Variants in C5orf58 observed in about 807,000 individuals in gnomAD.
C5orf58 encodes putative uncharacterized protein C5orf58.
In C5orf58, 2 loss-of-function variants were observed where a neutral mutation model predicts 2.9. The observed-to-expected ratio is 0.69, with a 90% CI of 0.28 to 2.18. The LOEUF is 2.18. C5orf58 is among the 30% of genes most tolerant of loss of function. C5orf58 has a pLI of 0.13. For missense variants in C5orf58, 96 were observed against 91.7 expected, an observed-to-expected ratio of 1.05 and a Z score of -0.19; for synonymous variants, 37 against 33.4, an observed-to-expected ratio of 1.11 and a Z score of -0.37.
chr5:170,246,155 C>G lies in C5orf58; in HGVS notation c.*42C>G. The G allele has an allele frequency of 6.5e-7, 1 of 1,528,692 alleles. No individual in the cohort carries two copies. The highest frequency in any genetic ancestry group is 8.9e-7 in the Non-Finnish European group (1 of 1,119,478). 94.7% of individuals were successfully genotyped at this position (1,528,692 alleles called of 1,614,324 possible). On this transcript the variant is annotated 3_prime_UTR_variant, in exon 4 of 4. Coordinates refer to ENST00000593851, the MANE Select transcript of C5orf58 (RefSeq NM_001102609.3). ...AGTTTCTGTTTTATTGTTGAACTAA[C>G]AAATATTTGGGAGAGTTGAGTTTAC... is the stretch of plus-strand genomic sequence containing the variant.
downstream of C5orf58, chr5:170,250,673 C>A (rs563080876): frequency 2.2e-6 from 3 of 1,339,958 alleles, no homozygotes; most frequent in Non-Finnish European, 2.1e-6. Context: ...TCCATGAAGG[C>A]ATGCAGAGTG....
chr5:170,235,556 C>G (rs1444758235), intron 3 of C5orf58, among the ~76,000 whole-genome samples: 1 of 152,188 alleles, frequency 6.6e-6, no homozygotes, highest in Non-Finnish European at 1.5e-5. Flanking sequence ...TATTTTATCC[C>G]AAGAAAATTT....
chr5:170,246,108 A>G lies in C5orf58; in HGVS notation c.241A>G (p.Ile81Val), dbSNP rs777378591. 3 of 1,607,798 alleles carry G rather than the reference A, an allele frequency of 1.9e-6. No homozygotes were observed. Among genetic ancestry groups the G allele is most frequent in the Admixed American group, 3.4e-5 (2 of 59,008 alleles). Residue 81 changes from isoleucine (I) to valine (V), a missense_variant, in exon 4 of 4, where the codon ATC becomes GTC. Coordinates refer to ENST00000593851, the MANE Select transcript of C5orf58 (RefSeq NM_001102609.3). ...ATCCCTTGTTTCTAACAGTTTTTCTATCTGATTTCTTATTTGTTATGAGTT... is the reference window on the plus strand; with the variant it reads ...ATCCCTTGTTTCTAACAGTTTTTCTGTCTGATTTCTTATTTGTTATGAGTT... ...DVSLVSNSFSI is the reference protein window; with the variant it reads ...DVSLVSNSFSV
intron 3 of C5orf58, among the ~76,000 whole-genome samples, chr5:170,236,383 T>G (rs1760741693): frequency 6.6e-6 from 1 of 152,220 alleles, no homozygotes; most frequent in Non-Finnish European, 1.5e-5. Flanking sequence ...AATGTTCTTA[T>G]GGCCAAATAA....
rs1761285416 is a variant in C5orf58 at position 170,246,214 on chromosome 5, AAAT to A, written c.*105_*107del. ...ATATATATAATTTAAAACAAAATAAAAATAATGTAAACAAGCAGTTCATGTTCT... is the reference window on the plus strand; with the variant it reads ...ATATATATAATTTAAAACAAAATAAAAATGTAAACAAGCAGTTCATGTTCT... On this transcript the variant is annotated 3_prime_UTR_variant, in exon 4 of 4. Transcript: ENST00000593851. The A allele has an allele frequency of 5.2e-6, 5 of 963,880 alleles. No individual in the cohort carries two copies. The Admixed American group carries it at 1.5e-4, about 29-fold the overall frequency. 59.7% of individuals were successfully genotyped at this position (963,880 alleles called of 1,614,324 possible).
intron 1 of C5orf58, 149 bp downstream of exon 1, chr5:170,233,156 G>A: frequency 5.4e-6 from 1 of 184,490 alleles, no homozygotes; most frequent in Non-Finnish European, 1.0e-5. Context: ...CCTCTCCCTG[G>A]GTGTCGGTTG....
At position 170,234,981 on chromosome 5, in the gene C5orf58, G is replaced by C. The variant is rs767944928; in HGVS notation, c.5G>C (p.Gly2Ala). ...CTGTTTTTCTTTTAAAATCAGATGGGTAAGAAGCGTGTTACTGATCATAAG... is the reference window on the plus strand; with the variant it reads ...CTGTTTTTCTTTTAAAATCAGATGGCTAAGAAGCGTGTTACTGATCATAAG... M[G>A]KKRVTDHKLN... Residue 2 changes from glycine (G) to alanine (A), a missense_variant, in exon 3 of 4, where the codon GGT (glycine) becomes GCT (alanine). Physicochemically the swap from Gly to Ala is moderately conservative, Grantham distance 60. Coordinates refer to ENST00000593851, the MANE Select transcript of C5orf58 (RefSeq NM_001102609.3). 4.1e-6 allele frequency: 6 copies of C among 1,470,658 alleles called. No homozygotes were observed. The highest frequency in any genetic ancestry group is 1.4e-5 in the African/African-American group (1 of 71,592). The allele number at this position is 1,470,658 out of a possible 1,614,324, so 91.1% of individuals were successfully genotyped here. A position where few individuals can be genotyped will look rare whatever the true frequency, so the allele number is the denominator to read the frequency against.
In C5orf58 at chr5:170,246,090, G is replaced by A; in HGVS notation, c.223G>A (p.Val75Ile). ...GTCTAAAATATCAGATGTATCCCTT[G>A]TTTCTAACAGTTTTTCTATCTGATT... is the stretch of plus-strand genomic sequence containing the variant. ...EESKISDVSL[V>I]SNSFSI The change falls in exon 4 of 4, where the codon GTT becomes ATT. Residue 75 changes from valine (V) to isoleucine (I), a missense_variant. Physicochemically the swap from Val to Ile is conservative, Grantham distance 29 (BLOSUM62 3). Transcript: ENST00000593851. The A allele has an allele frequency of 1.9e-6, 3 of 1,609,544 alleles. No homozygotes were observed. The highest frequency in any genetic ancestry group is 2.2e-5 in the East Asian group (1 of 44,808).
At chr5:170,242,888 C>A (rs1183635126) in intron 3 of C5orf58, among the ~76,000 whole-genome samples, 3 of 146,706 alleles carry the variant, frequency 2.0e-5, no homozygotes, top group Non-Finnish European at 3.0e-5. Flanking sequence ...AATTTTGGAT[C>A]TTTCCTGCTT....
At chr5:170,249,260 G>A (rs1761370077), downstream of C5orf58, among the ~76,000 whole-genome samples, 1 of 151,874 alleles carries the variant, frequency 6.6e-6, no homozygotes, top group African/African-American at 2.4e-5. Context: ...GGGAGGCAGA[G>A]GTTGCAGTGA....
At chr5:170,248,922 A>T (rs1761361802), downstream of C5orf58, 3 of 1,184,908 alleles carry the variant, frequency 2.5e-6, no homozygotes, top group East Asian at 7.5e-5. Flanking sequence ...TCTTCAAGTG[A>T]TGAGGATTGT....
At chr5:170,241,467 T>C (rs945811374) in intron 3 of C5orf58, among the ~76,000 whole-genome samples, 1 of 150,996 alleles carries the variant, frequency 6.6e-6, no homozygotes, top group African/African-American at 2.5e-5. Flanking sequence ...CAGTGGTTTG[T>C]AGTTCTCCTT....
chr5:170,237,996 C>G (rs1018332696), intron 3 of C5orf58, among the ~76,000 whole-genome samples: 1 of 152,120 alleles, frequency 6.6e-6, no homozygotes, highest in Non-Finnish European at 1.5e-5. Flanking sequence ...GATAAAAGAT[C>G]TAAAGATACT....
intron 3 of C5orf58, among the ~76,000 whole-genome samples, chr5:170,236,599 C>T (rs368597830): frequency 6.6e-6 from 1 of 152,174 alleles, no homozygotes; most frequent in Non-Finnish European, 1.5e-5. Context: ...GACTATATGA[C>T]CTGCTCAGAT....
At chr5:170,242,726 C>T (rs991360828) in intron 3 of C5orf58, among the ~76,000 whole-genome samples, 2 of 149,990 alleles carry the variant, frequency 1.3e-5, no homozygotes, top group African/African-American at 4.9e-5. Flanking sequence ...TTTCAAAAAA[C>T]CAGCTCCTGG....
chr5:170,244,149 C>T (rs1344479679), intron 3 of C5orf58, among the ~76,000 whole-genome samples: 2 of 151,096 alleles, frequency 1.3e-5, no homozygotes, highest in Non-Finnish European at 3.0e-5. Flanking sequence ...AAGAGATCCG[C>T]TGTTAGTCTG....
downstream of C5orf58, chr5:170,247,550 G>GAAC (rs1368591977): frequency 2.6e-5 from 4 of 152,362 alleles, no homozygotes; most frequent in African/African-American, 9.6e-5. Context: ...AAAACTTGAA[G>GAAC]AACAACTGAT....
chr5:170,250,921 A>G, downstream of C5orf58: 1 of 1,585,684 alleles, frequency 6.3e-7, no homozygotes, highest in East Asian at 2.2e-5. Flanking sequence ...TGGGAGCAGT[A>G]AAAGTCAATA....
chr5:170,241,506 T>C (rs1191502126), intron 3 of C5orf58, among the ~76,000 whole-genome samples: 2 of 150,440 alleles, frequency 1.3e-5, no homozygotes, highest in Non-Finnish European at 2.9e-5. Context: ...CCTTGTAAGT[T>C]GGATCCCTAG....
Sources: gnomAD v4.1 joint callset for allele counts (sites outside exome capture counted in the v4.1 genomes callset) on GRCh38, gnomAD v4.1.1 for gene constraint, MANE v1.5 for transcripts, NCBI Gene and HGNC (gene_info 2026-07-23, HGNC 2026-07-21) for gene names.